CCDC92: variants seen among roughly 807,000 people sequenced by gnomAD.
CCDC92 encodes the protein coiled-coil domain-containing protein 92.
Under a neutral mutation model 24.9 loss-of-function variants are expected in CCDC92, and 12 were observed. That is an observed-to-expected ratio of 0.48 (90% confidence interval 0.31 to 0.78). CCDC92 has a LOEUF of 0.78. Among genes scored for constraint, CCDC92 ranks in the 30% least tolerant of loss-of-function variants. The probability of loss-of-function intolerance (pLI) is 0.05; values close to 1 mark genes in which losing one functional copy is unlikely to be tolerated. For synonymous variants in CCDC92, 193 were observed against 196.3 expected, an observed-to-expected ratio of 0.98 and a Z score of 0.14; for missense variants, 399 against 439.4, an observed-to-expected ratio of 0.91 and a Z score of 0.82.
intron 1 of CCDC92, among the ~76,000 whole-genome samples, chr12:123,963,507 T>C (rs1956322600): frequency 1.3e-5 from 2 of 152,234 alleles, no homozygotes; most frequent in Admixed American, 1.3e-4. Context: ...CTAAAATGAC[T>C]GGAACACTGG....
rs936102221 is a variant in CCDC92 at position 123,943,619 on chromosome 12, G to A, written c.35-126C>T. 5.0e-6 allele frequency: 5 copies of A among 991,902 alleles called. No individual in the cohort carries two copies. In the African/African-American group the frequency reaches 8.0e-5, roughly 16 times the overall value. The allele number at this position is 991,902 out of a possible 1,614,324, so 61.4% of individuals were successfully genotyped here. On this transcript the variant is annotated intron_variant, in intron 2 of 4. Transcript: ENST00000238156. ...AGAGCAGAAGGAAACCACGGCTCCT[G>A]AAGGGCAGGGTGTGGGGGCACCAGG...
At chr12:123,964,672 C>T (rs745595879) in intron 1 of CCDC92, among the ~76,000 whole-genome samples, 3 of 152,146 alleles carry the variant, frequency 2.0e-5, no homozygotes, top group Non-Finnish European at 1.5e-5. Context: ...TCAATGACTA[C>T]CTACCACCAT....
In CCDC92 at chr12:123,942,759, T is replaced by A. The variant is rs11057401; in HGVS notation, c.208A>T (p.Ser70Cys). ...TDLTYELTVKSSEQTGDGTSK... is the reference protein window; with the variant it reads ...TDLTYELTVKCSEQTGDGTSK... ...GAGTTCTTACCTGTCTGTTCCGAAC[T>A]TTTGACTGTCAGCTCATATGTTAAA... Residue 70 changes from serine to cysteine, a missense_variant, in exon 4 of 5, where the codon AGT (serine) becomes TGT (cysteine). Coordinates refer to ENST00000238156, the MANE Select transcript of CCDC92 (RefSeq NM_025140.3). The A allele has an allele frequency of 0.3, 476,419 of 1,601,676 alleles. 73,536 individuals carry two copies. Among genetic ancestry groups the A allele is most frequent in the Middle Eastern group, 0.38 (2,304 of 6,040 alleles).
At chr12:123,953,647 A>T (rs1956080998) in intron 1 of CCDC92, among the ~76,000 whole-genome samples, 1 of 152,176 alleles carries the variant, frequency 6.6e-6, no homozygotes, top group African/African-American at 2.4e-5. Flanking sequence ...GCGTGGTGGC[A>T]CACGCCTGCG....
At chr12:123,963,784 T>C (rs1042995852) in intron 1 of CCDC92, among the ~76,000 whole-genome samples, 12 of 152,148 alleles carry the variant, frequency 7.9e-5, no homozygotes, top group African/African-American at 2.9e-4. Flanking sequence ...AGGTGTGCAG[T>C]TTCCACAGGA....
rs1470242725 is a variant in CCDC92 at position 123,966,843 on chromosome 12, G to A, written c.-60+5686C>T. On this transcript the variant is annotated intron_variant, in intron 1 of 4. Transcript: ENST00000238156. Reference sequence around the variant, plus strand: ...TGCAGTGTTCTAGAATTAGCCAGTCGTCATCCAAAGCTCTGAGTTCCATCC... The same window carrying A: ...TGCAGTGTTCTAGAATTAGCCAGTCATCATCCAAAGCTCTGAGTTCCATCC... Among the ~76,000 whole-genome samples the A allele has an allele frequency of 3.3e-5, 5 of 152,122 alleles. No homozygotes were observed. In the South Asian group the frequency reaches 6.2e-4, roughly 19 times the overall value.
chr12:123,968,480 C>T (rs779974250), intron 1 of CCDC92: 4 of 152,128 alleles, frequency 2.6e-5, no homozygotes, highest in Non-Finnish European at 5.9e-5. Context: ...TAAGTAGTAT[C>T]TGTGATTTTT....
chr12:123,953,716 T>C (rs1207178870), intron 1 of CCDC92, among the ~76,000 whole-genome samples: 1 of 152,224 alleles, frequency 6.6e-6, no homozygotes, highest in Admixed American at 6.5e-5. Context: ...AGGAGGAGGT[T>C]GCAGTGAGCT....
chr12:123,943,214 T>TG (rs1955741597), intron 3 of CCDC92, 133 bp downstream of exon 3: 4 of 897,862 alleles, frequency 4.5e-6, no homozygotes, highest in Middle Eastern at 3.4e-4. Flanking sequence ...ATGAGGATGA[T>TG]ATAAGGCATT....
chr12:123,937,616 G>A lies in CCDC92; in HGVS notation c.438C>T (p.Ser146=), dbSNP rs138698948. The A allele has an allele frequency of 2.3e-4, 374 of 1,613,722 alleles. 3 individuals carry two copies. In the African/African-American group the frequency reaches 3.7e-3, roughly 16 times the overall value. Residue 146 remains serine, a synonymous_variant, in exon 5 of 5, where the codon AGC becomes AGT. Transcript: ENST00000238156. This position sits in a 1 kb window ranked among gnomAD's most constrained non-coding sequence, Gnocchi z 8.4. The part of the protein sequence containing the change: ...AKSHKLTLLS[S]ELEQRASTIA... ...TGGTGCTGGCCCGCTGCTCCAGCTCGCTAGACAGCAGGGTCAGCTTGTGAC... is the reference window on the plus strand; with the variant it reads ...TGGTGCTGGCCCGCTGCTCCAGCTCACTAGACAGCAGGGTCAGCTTGTGAC...
chr12:123,940,325 C>T (rs1364609887), intron 4 of CCDC92, among the ~76,000 whole-genome samples: 1 of 152,198 alleles, frequency 6.6e-6, no homozygotes, highest in Non-Finnish European at 1.5e-5. Context: ...TGGTTCTTTT[C>T]GCCACAGCAT....
rs541888847 is a variant in CCDC92 at position 123,972,115 on chromosome 12, G to A, written c.-60+414C>T. On this transcript the variant is annotated intron_variant, in intron 1 of 4. Transcript: ENST00000238156. ...CCCCGGGGCAGACAGGAGCGCCCCGGGACCGGCCTCTCCTCCCCCTTGGCA... is the reference window on the plus strand; with the variant it reads ...CCCCGGGGCAGACAGGAGCGCCCCGAGACCGGCCTCTCCTCCCCCTTGGCA... 6 of 152,284 alleles carry A rather than the reference G, an allele frequency of 3.9e-5. No individual in the cohort carries two copies. In the South Asian group the frequency reaches 1.2e-3, roughly 32 times the overall value. The allele number at this position is 152,284 out of a possible 1,614,324, so 9.4% of individuals were successfully genotyped here.
rs142692326 is a variant in CCDC92 at position 123,971,529 on chromosome 12, T to A, written c.-60+1000A>T. 2.6e-3 allele frequency: 401 copies of A among 152,354 alleles called. 2 individuals are homozygous for A. Among genetic ancestry groups the A allele is most frequent in the African/African-American group, 9.1e-3 (380 of 41,594 alleles). 9.4% of individuals were successfully genotyped at this position (152,354 alleles called of 1,614,324 possible). ...TCCTAGTTTTAATACTCTTACAGGT[T>A]TCTGGAACTGCGTAATATGTTAAAG... On this transcript the variant is annotated intron_variant, in intron 1 of 4. Coordinates refer to ENST00000238156, the MANE Select transcript of CCDC92 (RefSeq NM_025140.3).
At chr12:123,944,486 T>C in intron 1 of CCDC92, 122 bp from the exon 2 acceptor site, 1 of 562,714 alleles carries the variant, frequency 1.8e-6, no homozygotes, top group South Asian at 3.0e-5. Flanking sequence ...AACTTCTCAA[T>C]GGCTCCCAGG....
intron 3 of CCDC92, among the ~76,000 whole-genome samples, 192 bp from the exon 4 acceptor site, chr12:123,942,977 G>GGCA (rs1955734141): frequency 6.6e-6 from 1 of 151,952 alleles, no homozygotes; most frequent in Non-Finnish European, 1.5e-5. Context: ...TGGGGTCAGA[G>GGCA]GGCACCCTCT....
At chr12:123,957,899 G>A (rs992950144) in intron 1 of CCDC92, among the ~76,000 whole-genome samples, 1 of 151,716 alleles carries the variant, frequency 6.6e-6, no homozygotes, top group African/African-American at 2.4e-5. Flanking sequence ...TAGACACGGA[G>A]TTTCGCCATG....
Position 123,937,882 on chromosome 12 carries a change from A to G in CCDC92, c.224-52T>C. 1 of 1,538,046 alleles carries G rather than the reference A, an allele frequency of 6.5e-7. No homozygotes were observed. The highest frequency in any genetic ancestry group is 1.2e-5 in the South Asian group (1 of 80,896). On this transcript the variant is annotated intron_variant, in intron 4 of 4. Transcript: ENST00000238156. This position sits in a 1 kb window ranked among gnomAD's most constrained non-coding sequence, Gnocchi z 8.4. ...TGAAGAACTCATTAGACTGAGGCCG[A>G]GTGGTGAGGCCTATGGGGCAGGCGG...
intron 1 of CCDC92, among the ~76,000 whole-genome samples, chr12:123,964,667 G>A (rs1956349827): frequency 1.3e-5 from 2 of 152,184 alleles, no homozygotes; most frequent in Admixed American, 6.5e-5. Flanking sequence ...ACAGCTCAAT[G>A]ACTACCTACC....
chr12:123,970,983 A>G (rs1277949180), intron 1 of CCDC92, among the ~76,000 whole-genome samples: 1 of 152,030 alleles, frequency 6.6e-6, no homozygotes, highest in Non-Finnish European at 1.5e-5. Context: ...CCAACATGGC[A>G]GATGAAAGAG....
Sources: allele counts gnomAD v4.1 joint callset (sites outside exome capture counted in the v4.1 genomes callset), GRCh38; gene constraint gnomAD v4.1.1; non-coding constraint Gnocchi (gnomAD v3.1); transcripts MANE v1.5; gene names NCBI Gene and HGNC (gene_info 2026-07-23, HGNC 2026-07-21).